The following RANBP2 variants were observed in gnomAD, a reference collection of about 807,000 sequenced individuals.
RANBP2 encodes the protein E3 SUMO-protein ligase RanBP2.
Under a neutral mutation model 303.6 loss-of-function variants are expected in RANBP2, and 57 were observed. The ratio of observed to expected loss-of-function variants is 0.19; its 90% confidence interval spans 0.15 to 0.23. RANBP2 has a LOEUF of 0.23. RANBP2 is among the 10% of genes least tolerant of loss of function. RANBP2 has a pLI of 1.00. For synonymous variants in RANBP2, 1,167 were observed against 1,301.5 expected (o/e 0.90, Z 2.23); for missense variants, 3,138 against 3,780.8 (o/e 0.83, Z 4.46).
At chr2:109,478,676 T>C in the RANBP2 span, among the ~76,000 whole-genome samples, 1 of 152,288 alleles carries the variant, frequency 6.6e-6, no homozygotes, top group African/African-American at 2.4e-5. Flanking sequence ...TTATCAAAAA[T>C]ACGGTGTGGT....
the RANBP2 span, among the ~76,000 whole-genome samples, chr2:108,821,184 C>T: frequency 3.9e-5 from 6 of 151,948 alleles, no homozygotes; most frequent in African/African-American, 7.3e-5. Context: ...ATGGTGAAAC[C>T]CCATCTCTAC....
chr2:109,604,910 A>C, the RANBP2 span: 1 of 152,242 alleles, frequency 6.6e-6, no homozygotes, highest in African/African-American at 2.4e-5. Flanking sequence ...AGTGACTCAA[A>C]CTAAGGTCAC....
the RANBP2 span, among the ~76,000 whole-genome samples, chr2:109,719,647 C>T: frequency 2.6e-5 from 4 of 152,070 alleles, no homozygotes; most frequent in East Asian, 5.8e-4. Flanking sequence ...TCTCGTGATC[C>T]GCTAGCCTCG....
At chr2:109,493,469 A>G in the RANBP2 span, among the ~76,000 whole-genome samples, 11 of 151,692 alleles carry the variant, frequency 7.3e-5, no homozygotes, top group African/African-American at 1.9e-4. Flanking sequence ...TACACTATAC[A>G]TACAAACACA....
the RANBP2 span, among the ~76,000 whole-genome samples, chr2:109,202,583 A>G: frequency 6.6e-6 from 1 of 152,184 alleles, no homozygotes; most frequent in Non-Finnish European, 1.5e-5. Flanking sequence ...ATTCTTTAAA[A>G]ATTGAGAATT....
Position 108,764,380 on chromosome 2 carries a change from C to G in RANBP2, c.3841C>G (p.Leu1281Val). Residue 1281 changes from leucine to valine, a missense_variant, in exon 20 of 29, where the codon CTT (leucine) becomes GTT (valine). Physicochemically the swap from Leu to Val is conservative, Grantham distance 32. Coordinates refer to ENST00000283195, the MANE Select transcript of RANBP2 (RefSeq NM_006267.5). ...YADELPKPEQ[L>V]AIRFKTPEEA... ...AGATGAGTTGCCAAAACCAGAACAACTTGCTATTAGGTTCAAAACTCCTGA... is the reference window on the plus strand; with the variant it reads ...AGATGAGTTGCCAAAACCAGAACAAGTTGCTATTAGGTTCAAAACTCCTGA... 1 of 1,613,938 alleles carries G rather than the reference C, an allele frequency of 6.2e-7. No homozygotes were observed. Among genetic ancestry groups the G allele is most frequent in the South Asian group, 1.1e-5 (1 of 91,076 alleles).
At chr2:109,217,430 A>G in the RANBP2 span, among the ~76,000 whole-genome samples, 11 of 152,338 alleles carry the variant, frequency 7.2e-5, no homozygotes, top group South Asian at 6.2e-4. Flanking sequence ...TGCTCACCAG[A>G]TGGTTTGTCT....
chr2:108,933,817 G>T, the RANBP2 span, among the ~76,000 whole-genome samples: 1 of 152,008 alleles, frequency 6.6e-6, no homozygotes, highest in South Asian at 2.1e-4. Flanking sequence ...TCAGGTGGGG[G>T]AGGGTTGGGT....
At chr2:109,718,461 C>G in the RANBP2 span, among the ~76,000 whole-genome samples, 2 of 152,218 alleles carry the variant, frequency 1.3e-5, no homozygotes, top group African/African-American at 4.8e-5. Context: ...AGAAGCCAGT[C>G]ACAAAAGACC....
the RANBP2 span, among the ~76,000 whole-genome samples, chr2:109,440,383 C>T: frequency 2.6e-5 from 4 of 152,074 alleles, no homozygotes; most frequent in Admixed American, 6.5e-5. Context: ...GCAGTGAAGC[C>T]GAAAAGCTAA....
chr2:109,477,215 C>T, the RANBP2 span, among the ~76,000 whole-genome samples: 4 of 152,312 alleles, frequency 2.6e-5, no homozygotes, highest in African/African-American at 4.8e-5. Context: ...TGCACTGCCC[C>T]GGGTTGCACA....
the RANBP2 span, among the ~76,000 whole-genome samples, chr2:109,376,973 C>T: frequency 1.3e-5 from 2 of 152,360 alleles, no homozygotes; most frequent in African/African-American, 2.4e-5. Flanking sequence ...GCACCTGTCC[C>T]GGCAGCCAGC....
In RANBP2 at chr2:108,764,546, A is replaced by T. The variant is rs558186975; in HGVS notation, c.4007A>T (p.Lys1336Ile). Residue 1336 changes from lysine to isoleucine, a missense_variant, in exon 20 of 29, where the codon AAA (lysine) becomes ATA (isoleucine). Physicochemically the swap from Lys to Ile is moderately radical, Grantham distance 102. This residue lies in a region of RANBP2 where 388 missense variants were observed against 328.5 expected (regional missense o/e 1.18). Coordinates refer to ENST00000283195, the MANE Select transcript of RANBP2 (RefSeq NM_006267.5). ...AGTCATGATAACAAGGATATTTGCAAATCTGATGCTGGAAACCTGAATTTT... is the reference window on the plus strand; with the variant it reads ...AGTCATGATAACAAGGATATTTGCATATCTGATGCTGGAAACCTGAATTTT... ...PTSHDNKDIC[K>I]SDAGNLNFEF... is the part of the protein sequence containing the mutation. 16 of 1,614,010 alleles carry T rather than the reference A, an allele frequency of 9.9e-6. No homozygotes were observed. The highest frequency in any genetic ancestry group is 1.7e-5 in the Admixed American group (1 of 59,988).
At chr2:108,733,104 G>T (rs1285071751) in intron 4 of RANBP2, among the ~76,000 whole-genome samples, 1 of 152,132 alleles carries the variant, frequency 6.6e-6, no homozygotes, top group Non-Finnish European at 1.5e-5. Flanking sequence ...GATTACAGGC[G>T]TGAGCCACTG....
the RANBP2 span, chr2:109,545,046 A>G: frequency 1.1e-5 from 11 of 985,426 alleles, no homozygotes; most frequent in Non-Finnish European, 1.3e-5. Context: ...GGCCAAGGTT[A>G]TGTTTTCCTA....
the RANBP2 span, among the ~76,000 whole-genome samples, chr2:109,312,963 C>T: frequency 6.6e-6 from 1 of 152,222 alleles, no homozygotes; most frequent in South Asian, 2.1e-4. Flanking sequence ...CACAGCAGCC[C>T]TTGGATTTCA....
chr2:109,349,832 G>A, the RANBP2 span, among the ~76,000 whole-genome samples: 21 of 152,344 alleles, frequency 1.4e-4, no homozygotes, highest in South Asian at 3.5e-3. Flanking sequence ...TGCATTCCAC[G>A]GGCCTCTGCC....
chr2:109,022,552 T>G, the RANBP2 span, among the ~76,000 whole-genome samples: 1 of 152,102 alleles, frequency 6.6e-6, no homozygotes, highest in Non-Finnish European at 1.5e-5. Context: ...TTAAACAATG[T>G]GTACACATGG....
At chr2:109,437,002 C>T in the RANBP2 span, 5 of 1,613,866 alleles carry the variant, frequency 3.1e-6, no homozygotes, top group Non-Finnish European at 4.2e-6. Flanking sequence ...TCTGAGCAGC[C>T]TGGCCACTGC....
Sources: allele counts gnomAD v4.1 joint callset (sites outside exome capture counted in the v4.1 genomes callset), GRCh38; gene constraint gnomAD v4.1.1; regional missense constraint gnomAD v4.1.1; transcripts MANE v1.5; gene names NCBI Gene and HGNC (gene_info 2026-07-23, HGNC 2026-07-21).